SESTD1: variants seen among roughly 807,000 people sequenced by gnomAD.
The protein encoded by SESTD1 is SEC14 and spectrin domain containing 1.
Under a neutral mutation model 101.7 loss-of-function variants are expected in SESTD1, and 43 were observed. The ratio of observed to expected loss-of-function variants is 0.42; its 90% CI spans 0.33 to 0.55. The LOEUF (loss-of-function observed/expected upper bound fraction) is 0.55. Ranked by LOEUF, SESTD1 falls within the 20% of genes least tolerant of loss-of-function variation. The pLI, the probability that SESTD1 is intolerant of heterozygous loss-of-function variation, is 0.07. For missense variants in SESTD1, 647 were observed against 815.1 expected (o/e 0.79, Z 2.51); for synonymous variants, 283 against 286.8 (o/e 0.99, Z 0.13).
chr2:179,250,317 C>A (rs1044721842), intron 1 of SESTD1, among the ~76,000 whole-genome samples: 3 of 152,144 alleles, frequency 2.0e-5, no homozygotes, highest in Non-Finnish European at 4.4e-5. Context: ...ATTAAAACCA[C>A]GGTGAGACAT....
chr2:179,257,110 GGTT>G (rs2047407844), intron 1 of SESTD1, among the ~76,000 whole-genome samples: 1 of 152,028 alleles, frequency 6.6e-6, no homozygotes, highest in African/African-American at 2.4e-5. Flanking sequence ...TTCACTGGTG[GGTT>G]GTTGTTTTTT....
rs764896327 is a variant in SESTD1, at chr2:179,151,360, C to G, written c.401G>C (p.Arg134Pro). ...TGTTAATTGGCATGGTTCTATATAA[C>G]GAGTCAATTTGTTGGCGGACACTAA... Reference protein sequence around the residue: ...VILVSANKLTRYIEPCQLTED... With the variant: ...VILVSANKLTPYIEPCQLTED... The change falls in exon 6 of 18, where the codon CGT becomes CCT. Residue 134 changes from arginine (R) to proline (P), a missense_variant. By Grantham distance (103) the Arg-to-Pro change is moderately radical (BLOSUM62 -2). This residue lies in a region of SESTD1 where 168 missense variants were observed against 235.1 expected (regional missense o/e 0.71). Transcript: ENST00000428443. The G allele has an allele frequency of 6.2e-7, 1 of 1,603,402 alleles. No individual in the cohort carries two copies. Among genetic ancestry groups the G allele is most frequent in the Non-Finnish European group, 8.5e-7 (1 of 1,175,432 alleles).
intron 1 of SESTD1, among the ~76,000 whole-genome samples, chr2:179,197,597 T>C (rs1464310446): frequency 6.6e-6 from 1 of 152,196 alleles, no homozygotes; most frequent in Non-Finnish European, 1.5e-5. Context: ...CCCATCAGAC[T>C]AACAGCAGAT....
At position 179,215,407 on chromosome 2, in the gene SESTD1, C is replaced by T. The variant is rs1408225220; in HGVS notation, c.-25-23541G>A. On this transcript the variant is annotated intron_variant, in intron 1 of 17. Coordinates refer to ENST00000428443, the MANE Select transcript of SESTD1 (RefSeq NM_178123.5). ...AAATCTAGAAGAAATGAATAAATTC[C>T]GGGACACATACACCCTCCCAAGATT... Among the ~76,000 whole-genome samples the T allele has an allele frequency of 5.2e-5, 7 of 134,192 alleles. 1 individual carries two copies. The highest frequency in any genetic ancestry group is 4.0e-4 in the East Asian group (2 of 5,036). The allele number at this position is 134,192 out of a possible 152,430, so 88.0% of individuals were successfully genotyped here.
chr2:179,113,856 ACT>A (rs1207848084), intron 16 of SESTD1, among the ~76,000 whole-genome samples: 3 of 144,344 alleles, frequency 2.1e-5, no homozygotes, highest in Non-Finnish European at 3.0e-5. Context: ...ACAGAGTGAG[ACT>A]CTGTCTCAAA....
At chr2:179,152,492 A>T (rs936218225) in intron 5 of SESTD1, among the ~76,000 whole-genome samples, 1 of 152,232 alleles carries the variant, frequency 6.6e-6, no homozygotes, top group South Asian at 2.1e-4. Context: ...CATAAAACTG[A>T]CTTTAAAAAA....
intron 1 of SESTD1, among the ~76,000 whole-genome samples, chr2:179,263,801 A>G (rs960857061): frequency 6.6e-6 from 1 of 152,168 alleles, no homozygotes; most frequent in African/African-American, 2.4e-5. Context: ...AAATAGAAAA[A>G]TAAACACAAC....
At chr2:179,111,500 G>C (rs1026866037) in intron 17 of SESTD1, among the ~76,000 whole-genome samples, 1 of 152,146 alleles carries the variant, frequency 6.6e-6, no homozygotes, top group African/African-American at 2.4e-5. Flanking sequence ...AGGTTAAGTG[G>C]CTTGCCCAAG....
chr2:179,110,455 A>G (rs1226253137), intron 17 of SESTD1, among the ~76,000 whole-genome samples: 3 of 152,346 alleles, frequency 2.0e-5, no homozygotes, highest in East Asian at 3.9e-4. Context: ...TTTTTGGTAC[A>G]TTAACAGATA....
At chr2:179,138,005 G>A (rs928711477) in intron 9 of SESTD1, among the ~76,000 whole-genome samples, 1 of 151,888 alleles carries the variant, frequency 6.6e-6, no homozygotes, top group Non-Finnish European at 1.5e-5. Context: ...TTTTCGCAAG[G>A]GATATAGATA....
chr2:179,148,255 T>C (rs915340242), intron 7 of SESTD1, among the ~76,000 whole-genome samples: 2 of 152,184 alleles, frequency 1.3e-5, no homozygotes, highest in Non-Finnish European at 1.5e-5. Context: ...AGGAGACAGA[T>C]CGGATGACAG....
intron 9 of SESTD1, among the ~76,000 whole-genome samples, chr2:179,139,184 T>C (rs966658141): frequency 7.2e-5 from 11 of 152,288 alleles, no homozygotes; most frequent in Admixed American, 1.3e-4. Context: ...ATTTCACTCT[T>C]CGATTCCCCA....
chr2:179,241,625 T>A (rs199694940), intron 1 of SESTD1, among the ~76,000 whole-genome samples: 3 of 150,508 alleles, frequency 2.0e-5, no homozygotes, highest in Non-Finnish European at 4.4e-5. Flanking sequence ...CTCTCATCTT[T>A]AAAAAAAAAA....
chr2:179,249,000 A>T (rs2047273705), intron 1 of SESTD1, among the ~76,000 whole-genome samples: 1 of 151,146 alleles, frequency 6.6e-6, no homozygotes, highest in Non-Finnish European at 1.5e-5. Context: ...CTGAGGTGGA[A>T]GGATCACTTG....
chr2:179,227,609 TATG>T (rs2046907625), intron 1 of SESTD1, among the ~76,000 whole-genome samples: 3 of 152,204 alleles, frequency 2.0e-5, no homozygotes, highest in Admixed American at 6.5e-5. Flanking sequence ...AATACGGAAC[TATG>T]ATAATTGTTT....
chr2:179,254,761 T>C (rs2047367838), intron 1 of SESTD1, among the ~76,000 whole-genome samples: 2 of 152,224 alleles, frequency 1.3e-5, no homozygotes. Context: ...GAATTTTAGG[T>C]ATATTTACAT....
chr2:179,104,126 C>G lies in SESTD1; in HGVS notation c.*5773G>C, dbSNP rs1362961490. 6.6e-6 allele frequency: 1 copy of G among 152,072 alleles called. No homozygotes were observed. The highest frequency in any genetic ancestry group is 1.5e-5 in the Non-Finnish European group (1 of 68,004). 9.4% of individuals were successfully genotyped at this position (152,072 alleles called of 1,614,324 possible). On this transcript the variant is annotated 3_prime_UTR_variant, in exon 18 of 18. Transcript: ENST00000428443. ...AATAGTTTTGCTGAGAATTTCATTACTGATTTTATGACAGTAAGATCATCA... is the reference window on the plus strand; with the variant it reads ...AATAGTTTTGCTGAGAATTTCATTAGTGATTTTATGACAGTAAGATCATCA...
Position 179,136,262 on chromosome 2 carries a change from CA to C in SESTD1, c.850-3837del, listed in dbSNP as rs1356600581. Among the ~76,000 whole-genome samples, 3 of 152,296 alleles carry C rather than the reference CA, an allele frequency of 2.0e-5. No homozygotes were observed. The East Asian group carries it at 5.8e-4, about 29-fold the overall frequency. ...ATGACACTCATTATATGTAAGACAG[CA>C]CATTAATGATACTAATAATTGTTAG... On this transcript the variant is annotated intron_variant, in intron 9 of 17. Transcript: ENST00000428443.
chr2:179,247,332 A>G (rs982564519), intron 1 of SESTD1, among the ~76,000 whole-genome samples: 2 of 152,196 alleles, frequency 1.3e-5, no homozygotes, highest in African/African-American at 4.8e-5. Context: ...AAATAAATAA[A>G]TGAAGCATAA....
Sources: allele counts gnomAD v4.1 joint callset (sites outside exome capture counted in the v4.1 genomes callset), GRCh38; gene constraint gnomAD v4.1.1; regional missense constraint gnomAD v4.1.1; transcripts MANE v1.5; gene names NCBI Gene and HGNC (gene_info 2026-07-23, HGNC 2026-07-21).